Variants in ARHGAP15 observed in about 807,000 individuals in gnomAD.
ARHGAP15 encodes Rho GTPase activating protein 15, also known as rho GTPase-activating protein 15.
ARHGAP15 carries 51 observed loss-of-function variants against 63.7 expected under a neutral mutation model. The ratio of observed to expected loss-of-function variants is 0.80; its 90% CI spans 0.64 to 1.01. The LOEUF (loss-of-function observed/expected upper bound fraction) is 1.01, where lower values mean the gene tolerates loss of function less well. ARHGAP15 is among the 50% of genes least tolerant of loss of function. The pLI, the probability that ARHGAP15 is intolerant of heterozygous loss-of-function variation, is 0.00. For synonymous variants in ARHGAP15, 191 were observed against 193.8 expected (o/e 0.99, Z 0.12); for missense variants, 560 against 564.6 (o/e 0.99, Z 0.08).
chr2:143,456,672 T>C (rs963532207), intron 8 of ARHGAP15, among the ~76,000 whole-genome samples: 1 of 152,060 alleles, frequency 6.6e-6, no homozygotes, highest in Non-Finnish European at 1.5e-5. Context: ...AACACAGATA[T>C]TTAGTTTTGG....
At chr2:143,333,765 C>CT in intron 6 of ARHGAP15, among the ~76,000 whole-genome samples, 1 of 152,018 alleles carries the variant, frequency 6.6e-6, no homozygotes, top group Non-Finnish European at 1.5e-5. Flanking sequence ...GGCACAGAAA[C>CT]AAGATTCGGG....
chr2:143,724,143 CA>C (rs1173864861), intron 13 of ARHGAP15, among the ~76,000 whole-genome samples: 1 of 151,846 alleles, frequency 6.6e-6, no homozygotes, highest in African/African-American at 2.4e-5. Context: ...AAGTTTGCCA[CA>C]ATTGGAAACC....
intron 13 of ARHGAP15, among the ~76,000 whole-genome samples, chr2:143,751,589 C>T (rs1686375608): frequency 6.6e-6 from 1 of 152,142 alleles, no homozygotes; most frequent in African/African-American, 2.4e-5. Flanking sequence ...TGGACCTGAG[C>T]CCAGCTCATT....
intron 6 of ARHGAP15, among the ~76,000 whole-genome samples, chr2:143,338,805 T>C (rs10176394): frequency 0.14 from 20,953 of 152,070 alleles, 1,712 homozygotes; most frequent in Non-Finnish European, 0.16. Flanking sequence ...TGGTTCAAAT[T>C]CTTCTTCAGT....
chr2:143,403,799 A>C (rs1363595014), intron 6 of ARHGAP15, among the ~76,000 whole-genome samples: 1 of 151,846 alleles, frequency 6.6e-6, no homozygotes, highest in African/African-American at 2.4e-5. Context: ...AAAATCACTC[A>C]ATCCCTTTGA....
chr2:143,735,326 T>C (rs1412123221), intron 13 of ARHGAP15, among the ~76,000 whole-genome samples: 4 of 152,200 alleles, frequency 2.6e-5, no homozygotes, highest in Non-Finnish European at 5.9e-5. Flanking sequence ...ATCACATAAC[T>C]GAAAATTCCA....
chr2:143,406,328 T>G (rs1169652743), intron 6 of ARHGAP15, among the ~76,000 whole-genome samples: 2 of 151,984 alleles, frequency 1.3e-5, no homozygotes, highest in African/African-American at 4.8e-5. Context: ...ATGCTATGAC[T>G]TCCAAGAGAA....
chr2:143,186,558 A>C (rs538331626), intron 2 of ARHGAP15, among the ~76,000 whole-genome samples: 1 of 152,292 alleles, frequency 6.6e-6, no homozygotes, highest in Non-Finnish European at 1.5e-5. Context: ...TCTCCAAAAC[A>C]ATATAATGAC....
chr2:143,551,480 G>A (rs6717596), intron 10 of ARHGAP15, among the ~76,000 whole-genome samples: 43,837 of 152,058 alleles, frequency 0.29, 6,974 homozygotes, highest in African/African-American at 0.43. Context: ...AACAATAACT[G>A]TCTTTGGAAA....
At chr2:143,182,637 G>A (rs1322489927) in intron 2 of ARHGAP15, among the ~76,000 whole-genome samples, 1 of 152,088 alleles carries the variant, frequency 6.6e-6, no homozygotes, top group Non-Finnish European at 1.5e-5. Context: ...TTTCTAGAAG[G>A]TTGAGAATTA....
chr2:143,287,811 GAAAAAGA>G (rs1167561325), intron 6 of ARHGAP15, among the ~76,000 whole-genome samples: 1 of 151,804 alleles, frequency 6.6e-6, no homozygotes, highest in Non-Finnish European at 1.5e-5. Flanking sequence ...CCCAAAAAAA[GAAAAAGA>G]AAAAAAGAAA....
chr2:143,535,521 TAAGA>T (rs750422903), intron 10 of ARHGAP15, among the ~76,000 whole-genome samples: 1 of 152,222 alleles, frequency 6.6e-6, no homozygotes, highest in Non-Finnish European at 1.5e-5. Flanking sequence ...AGAAATATTT[TAAGA>T]AAGAATTATC....
intron 5 of ARHGAP15, among the ~76,000 whole-genome samples, chr2:143,243,708 C>A (rs1434391723): frequency 1.3e-5 from 2 of 151,996 alleles, no homozygotes; most frequent in Non-Finnish European, 2.9e-5. Context: ...AATTCTACAA[C>A]TTTTCTGAAC....
intron 8 of ARHGAP15, among the ~76,000 whole-genome samples, chr2:143,474,443 T>G (rs1019124127): frequency 6.6e-6 from 1 of 152,208 alleles, no homozygotes; most frequent in African/African-American, 2.4e-5. Flanking sequence ...TGATGGCAAT[T>G]ACTGCATTTA....
chr2:143,679,102 A>G (rs1284317130), intron 12 of ARHGAP15, among the ~76,000 whole-genome samples: 1 of 151,624 alleles, frequency 6.6e-6, no homozygotes, highest in East Asian at 1.9e-4. Context: ...AAATGCTATC[A>G]GAATAGGTCA....
At chr2:143,369,442 G>A (rs559487941) in intron 6 of ARHGAP15, among the ~76,000 whole-genome samples, 1 of 152,132 alleles carries the variant, frequency 6.6e-6, no homozygotes, top group East Asian at 1.9e-4. Context: ...AAACCTTTGA[G>A]CTTAGAAGTG....
chr2:143,332,455 T>C (rs1684590340), intron 6 of ARHGAP15, among the ~76,000 whole-genome samples: 1 of 152,120 alleles, frequency 6.6e-6, no homozygotes, highest in South Asian at 2.1e-4. Context: ...TTGTATCTAA[T>C]AGGCCTATTC....
chr2:143,648,872 C>T (rs1574769988), intron 12 of ARHGAP15: 1 of 151,854 alleles, frequency 6.6e-6, no homozygotes, highest in African/African-American at 2.4e-5. Flanking sequence ...ATCTTTTTGC[C>T]ATTCTGGGAG....
intron 12 of ARHGAP15, among the ~76,000 whole-genome samples, chr2:143,626,795 G>C (rs1698854279): frequency 6.6e-6 from 1 of 152,136 alleles, no homozygotes; most frequent in South Asian, 2.1e-4. Context: ...AGACAGAAAA[G>C]TTCTCCAAGT....
Sources: allele counts gnomAD v4.1 joint callset (sites outside exome capture counted in the v4.1 genomes callset), GRCh38; gene constraint gnomAD v4.1.1; transcripts MANE v1.5; gene names NCBI Gene and HGNC (gene_info 2026-07-23, HGNC 2026-07-21).